Variants in NCOA2 observed in about 807,000 individuals in gnomAD.
NCOA2 encodes the protein class E basic helix-loop-helix protein 75.
In NCOA2, 21 loss-of-function variants were observed where a neutral mutation model predicts 145.1. That is an observed-to-expected ratio of 0.14 (90% confidence interval 0.10 to 0.21). NCOA2 has a LOEUF of 0.21. NCOA2 is among the 10% of genes least tolerant of loss of function. NCOA2 has a pLI of 1.00. For synonymous variants in NCOA2, 619 were observed against 637.5 expected (o/e 0.97, Z 0.44); for missense variants, 1,472 against 1,837.6 (o/e 0.80, Z 3.64).
At chr8:70,352,349 G>A (rs768413656) in intron 1 of NCOA2, among the ~76,000 whole-genome samples, 2 of 152,062 alleles carry the variant, frequency 1.3e-5, no homozygotes, top group Admixed American at 6.6e-5. Context: ...AAATTGGAAC[G>A]CAGTTCTTTC....
At chr8:70,312,685 C>T (rs766587430) in intron 1 of NCOA2, among the ~76,000 whole-genome samples, 134 of 152,232 alleles carry the variant, frequency 8.8e-4, no homozygotes, top group Middle Eastern at 6.8e-3. Flanking sequence ...TTCATCTTTT[C>T]TGAAAAGGTA....
At chr8:70,318,280 G>A (rs1211895640) in intron 1 of NCOA2, among the ~76,000 whole-genome samples, 4 of 152,182 alleles carry the variant, frequency 2.6e-5, no homozygotes, top group African/African-American at 7.2e-5. Context: ...TCCAAAATAC[G>A]CCTTTCTGGC....
intron 2 of NCOA2, among the ~76,000 whole-genome samples, chr8:70,260,561 G>A (rs77610132): frequency 0.016 from 2,406 of 152,274 alleles, 65 homozygotes; most frequent in African/African-American, 0.056. Flanking sequence ...GTGGGGCTAA[G>A]GTAGGCACAT....
At position 70,148,497 on chromosome 8, in the gene NCOA2, A is replaced by G; in HGVS notation, c.2395-14T>C. 2 of 1,611,158 alleles carry G rather than the reference A, an allele frequency of 1.2e-6. No individual in the cohort carries two copies. The highest frequency in any genetic ancestry group is 1.7e-5 in the Admixed American group (1 of 59,946). On this transcript the variant is annotated splice_polypyrimidine_tract_variant and intron_variant, in intron 11 of 22. Transcript: ENST00000452400. ...CTCACTGCCAGGCTGTAGTTGACAA[A>G]CAGAAGAGTTTATCCAGTCTACTCT...
At chr8:70,160,660 A>AGAGAGAGAGAGAGT in intron 9 of NCOA2, among the ~76,000 whole-genome samples, 1 of 12,862 alleles carries the variant, frequency 7.8e-5, no homozygotes, top group African/African-American at 2.9e-4. Context: ...AGTGAGAGAC[A>AGAGAGAGAGAGAGT]GAGAGAGAGA....
At chr8:70,432,362 C>T in the NCOA2 span, among the ~76,000 whole-genome samples, 11 of 152,168 alleles carry the variant, frequency 7.2e-5, no homozygotes, top group African/African-American at 2.7e-4. Flanking sequence ...AAATTGAACT[C>T]AGAAAATTCT....
chr8:70,159,242 A>ATTTTTTTTT (rs763150293), intron 10 of NCOA2, among the ~76,000 whole-genome samples: 1,377 of 61,048 alleles, frequency 0.023, 109 homozygotes, highest in African/African-American at 0.071. Context: ...ATATATATAT[A>ATTTTTTTTT]TTTTTTTTTT....
At chr8:70,398,264 C>T (rs1813879236) in intron 1 of NCOA2, among the ~76,000 whole-genome samples, 1 of 152,078 alleles carries the variant, frequency 6.6e-6, no homozygotes, top group Admixed American at 6.6e-5. Flanking sequence ...TTAAGTCCAG[C>T]CTGGGGCAAC....
intron 2 of NCOA2, among the ~76,000 whole-genome samples, chr8:70,244,020 T>G (rs752425343): frequency 1.5e-4 from 23 of 152,014 alleles, no homozygotes; most frequent in African/African-American, 5.6e-4. Context: ...AAAAATTATG[T>G]TTGAGTTGCT....
chr8:70,236,342 T>TA (rs1821602568), intron 2 of NCOA2, among the ~76,000 whole-genome samples: 1 of 152,188 alleles, frequency 6.6e-6, no homozygotes, highest in South Asian at 2.1e-4. Context: ...TCAAACGTAA[T>TA]ACAAGGTGCC....
At chr8:70,302,940 T>C (rs777693781) in intron 1 of NCOA2, among the ~76,000 whole-genome samples, 2 of 152,202 alleles carry the variant, frequency 1.3e-5, no homozygotes, top group Non-Finnish European at 2.9e-5. Context: ...TGAAAAATAA[T>C]ATATCCATCA....
chr8:70,365,022 A>T (rs1250960947), intron 1 of NCOA2, among the ~76,000 whole-genome samples: 1 of 152,182 alleles, frequency 6.6e-6, no homozygotes, highest in Non-Finnish European at 1.5e-5. Context: ...ATGAATTCTT[A>T]TGAAGTGCCA....
At chr8:70,286,283 A>C (rs891410811) in intron 2 of NCOA2, among the ~76,000 whole-genome samples, 3 of 152,134 alleles carry the variant, frequency 2.0e-5, no homozygotes, top group Non-Finnish European at 4.4e-5. Context: ...ATGTTGACTG[A>C]GGGAGGAGGA....
chr8:70,369,817 T>C (rs1811048775), intron 1 of NCOA2, among the ~76,000 whole-genome samples: 1 of 152,134 alleles, frequency 6.6e-6, no homozygotes, highest in Admixed American at 6.6e-5. Flanking sequence ...CTTCTGTGCT[T>C]GCCTAAGGAG....
intron 2 of NCOA2, among the ~76,000 whole-genome samples, chr8:70,221,264 TTAAC>T (rs1390220342): frequency 6.6e-6 from 1 of 152,212 alleles, no homozygotes; most frequent in African/African-American, 2.4e-5. Context: ...CCATTTCTAT[TTAAC>T]TAAACTACAG....
chr8:70,129,120 T>A (rs1036752137), intron 16 of NCOA2, 140 bp from the exon 17 acceptor site: 29 of 842,974 alleles, frequency 3.4e-5, no homozygotes, highest in Non-Finnish European at 5.2e-5. Flanking sequence ...CAAAGGTACC[T>A]TTAGAGCTTG....
intron 1 of NCOA2, among the ~76,000 whole-genome samples, chr8:70,354,564 A>G (rs1809515175): frequency 6.6e-6 from 1 of 152,196 alleles, no homozygotes; most frequent in South Asian, 2.1e-4. Flanking sequence ...AAAAATTTGA[A>G]ACATAGGCCT....
chr8:70,123,954 G>A lies in NCOA2; in HGVS notation c.4223C>T (p.Thr1408Ile). Residue 1408 changes from threonine to isoleucine, a missense_variant, in exon 21 of 23, where the codon ACA (threonine) becomes ATA (isoleucine). Coordinates refer to ENST00000452400, the MANE Select transcript of NCOA2 (RefSeq NM_006540.4). ...CACTGAGGTCATGCTGATCTGTCCT[G>A]TCATCTGGTTCATGCTGCTCATGCC... is the stretch of plus-strand genomic sequence containing the variant. ...TGGMSSMNQMTGQISMTSVTS... is the reference protein window; with the variant it reads ...TGGMSSMNQMIGQISMTSVTS... 1 of 1,614,008 alleles carries A rather than the reference G, an allele frequency of 6.2e-7. No individual in the cohort carries two copies. Among genetic ancestry groups the A allele is most frequent in the Non-Finnish European group, 8.5e-7 (1 of 1,179,882 alleles).
At chr8:70,229,488 A>G (rs898992207) in intron 2 of NCOA2, among the ~76,000 whole-genome samples, 2 of 152,246 alleles carry the variant, frequency 1.3e-5, no homozygotes, top group East Asian at 1.9e-4. Flanking sequence ...GTGAGCATGT[A>G]TAAGAGAACT....
Sources: gnomAD v4.1 joint callset for allele counts (sites outside exome capture counted in the v4.1 genomes callset) on GRCh38, gnomAD v4.1.1 for gene constraint, MANE v1.5 for transcripts, NCBI Gene and HGNC (gene_info 2026-07-23, HGNC 2026-07-21) for gene names.